The following NRXN3 variants were observed in gnomAD, a reference collection of about 807,000 sequenced individuals.
NRXN3 encodes neurexin III.
A neutral mutation model predicts 137.6 loss-of-function variants in NRXN3; 32 were observed. The ratio of observed to expected loss-of-function variants is 0.23; its 90% confidence interval spans 0.18 to 0.31. NRXN3 has a LOEUF of 0.31. NRXN3 is among the 10% of genes least tolerant of loss of function. NRXN3 has a pLI of 1.00. For missense variants in NRXN3, 1,574 were observed against 2,062.5 expected (o/e 0.76, Z 4.59); for synonymous variants, 798 against 784.5 (o/e 1.02, Z -0.29).
intron 8 of NRXN3, among the ~76,000 whole-genome samples, chr14:78,730,808 A>G (rs2098511605): frequency 1.3e-5 from 2 of 152,228 alleles, no homozygotes; most frequent in South Asian, 4.1e-4. Context: ...CTGGTATATC[A>G]ATCTCTAATT....
chr14:78,368,087 C>T (rs368694244), intron 4 of NRXN3, among the ~76,000 whole-genome samples: 8 of 152,152 alleles, frequency 5.3e-5, no homozygotes, highest in Admixed American at 2.0e-4. Flanking sequence ...GTTTTAGCAA[C>T]GGGAAAGTAA....
At chr14:79,031,902 G>T (rs1053430842) in intron 15 of NRXN3, among the ~76,000 whole-genome samples, 1 of 152,132 alleles carries the variant, frequency 6.6e-6, no homozygotes, top group Admixed American at 6.6e-5. Context: ...AGCAATGGCT[G>T]CTGAGACTGC....
intron 15 of NRXN3, among the ~76,000 whole-genome samples, chr14:79,141,522 C>T (rs930509910): frequency 1.2e-4 from 18 of 152,184 alleles, no homozygotes; most frequent in African/African-American, 4.3e-4. Context: ...ATTAAAAGAA[C>T]ACTGAGACTA....
At chr14:78,565,169 G>A (rs2096825728) in intron 4 of NRXN3, among the ~76,000 whole-genome samples, 1 of 152,176 alleles carries the variant, frequency 6.6e-6, no homozygotes, top group Admixed American at 6.5e-5. Flanking sequence ...CATTTATTAA[G>A]TAGATAGATC....
At chr14:78,627,878 A>G (rs1047895375) in intron 4 of NRXN3, among the ~76,000 whole-genome samples, 43 of 152,178 alleles carry the variant, frequency 2.8e-4, no homozygotes, top group African/African-American at 9.7e-4. Flanking sequence ...GGACATGGCT[A>G]TGAAAACCAG....
intron 9 of NRXN3, among the ~76,000 whole-genome samples, chr14:78,805,164 C>G (rs2098855225): frequency 6.7e-6 from 1 of 149,148 alleles, no homozygotes. Flanking sequence ...TTAGTTATGT[C>G]TTTTTTTTTT....
chr14:79,017,550 T>G (rs1206192870), intron 15 of NRXN3, among the ~76,000 whole-genome samples: 5 of 152,050 alleles, frequency 3.3e-5, no homozygotes, highest in African/African-American at 1.2e-4. Flanking sequence ...GGAAAGTCAC[T>G]CTAGACAAGA....
At chr14:79,320,469 A>G (rs577663163) in intron 15 of NRXN3, among the ~76,000 whole-genome samples, 1 of 152,186 alleles carries the variant, frequency 6.6e-6, no homozygotes, top group Non-Finnish European at 1.5e-5. Context: ...TGATACCGCT[A>G]TTGGAAAACT....
At chr14:78,246,695 A>C (rs534952748) in intron 2 of NRXN3, among the ~76,000 whole-genome samples, 1 of 152,342 alleles carries the variant, frequency 6.6e-6, no homozygotes, top group Non-Finnish European at 1.5e-5. Flanking sequence ...ACACATAGTT[A>C]ATTTTTAGAA....
intron 15 of NRXN3, among the ~76,000 whole-genome samples, chr14:79,136,329 G>A (rs899670101): frequency 6.6e-6 from 1 of 152,178 alleles, no homozygotes; most frequent in Non-Finnish European, 1.5e-5. Context: ...ATAGATCAAG[G>A]TCTGTCAGCC....
rs200763319 is a variant in NRXN3 at position 78,651,236 on chromosome 14, G to A, written c.1131G>A (p.Ser377=). Residue 377 remains serine (S), a synonymous_variant, in exon 6 of 21, where the codon TCG becomes TCA. Transcript: ENST00000335750. ...YTQEDYTMLG[S]DDFFYVGGSP... Reference sequence around the variant, plus strand: ...AAGAGGACTATACCATGCTGGGCTCGGACGACTTCTTCTATGTAGGAGGAA... The same window carrying A: ...AAGAGGACTATACCATGCTGGGCTCAGACGACTTCTTCTATGTAGGAGGAA... 8.1e-5 allele frequency: 130 copies of A among 1,613,944 alleles called. No homozygotes were observed. The African/African-American group carries it at 1.1e-3, about 14-fold the overall frequency.
intron 15 of NRXN3, among the ~76,000 whole-genome samples, chr14:79,037,608 A>G (rs745333247): frequency 6.6e-5 from 10 of 152,050 alleles, no homozygotes; most frequent in Non-Finnish European, 1.5e-4. Flanking sequence ...GTGTCCTGAC[A>G]CCTTCCCTTC....
intron 19 of NRXN3, among the ~76,000 whole-genome samples, chr14:79,803,108 C>T (rs1274928975): frequency 6.6e-6 from 1 of 152,136 alleles, no homozygotes; most frequent in East Asian, 1.9e-4. Flanking sequence ...AATTATACCC[C>T]TTTCAGATGT....
At chr14:78,518,284 G>A (rs754327923) in intron 4 of NRXN3, among the ~76,000 whole-genome samples, 6 of 152,058 alleles carry the variant, frequency 3.9e-5, no homozygotes, top group South Asian at 2.1e-4. Flanking sequence ...GCTGGGTTTT[G>A]GTTTCTTAGG....
rs1555418553 is a variant in NRXN3 at position 78,235,002 on chromosome 14, A to ATATATATATATATGTG, written c.-703-7376_-703-7375insGTGTATATATATATAT. ...GGCAGCCACAAATGCTTTTATATAT[A>ATATATATATATATGTG]TATATATATATATATATATATGTGT... On this transcript the variant is annotated intron_variant, in intron 1 of 20. Coordinates refer to ENST00000335750, the MANE Select transcript of NRXN3 (RefSeq NM_001330195.2). Among the ~76,000 whole-genome samples, 7 of 47,426 alleles carry ATATATATATATATGTG rather than the reference A, an allele frequency of 1.5e-4. 1 individual carries two copies. Among genetic ancestry groups the ATATATATATATATGTG allele is most frequent in the East Asian group, 1.1e-3 (2 of 1,892 alleles). 31.1% of individuals were successfully genotyped at this position (47,426 alleles called of 152,430 possible).
At chr14:79,816,976 A>G (rs1015513386) in intron 20 of NRXN3, among the ~76,000 whole-genome samples, 9 of 152,224 alleles carry the variant, frequency 5.9e-5, no homozygotes, top group Non-Finnish European at 1.3e-4. Flanking sequence ...TAGTCCTTCT[A>G]ATTTGACAAG....
At chr14:78,274,512 G>A (rs565488698) in intron 2 of NRXN3, among the ~76,000 whole-genome samples, 9 of 152,244 alleles carry the variant, frequency 5.9e-5, no homozygotes, top group Admixed American at 1.3e-4. Flanking sequence ...TGGGGATTAC[G>A]GGAACTACAA....
In NRXN3 at chr14:79,780,534, G is replaced by A. The variant is rs1413074662; in HGVS notation, c.4015-24578G>A. Among the ~76,000 whole-genome samples the A allele has an allele frequency of 5.3e-5, 8 of 152,160 alleles. No homozygotes were observed. In the South Asian group the frequency reaches 6.2e-4, roughly 12 times the overall value. On this transcript the variant is annotated intron_variant, in intron 19 of 20. Coordinates refer to ENST00000335750, the MANE Select transcript of NRXN3 (RefSeq NM_001330195.2). The stretch of plus-strand genomic sequence containing the variant: ...TGAGGCAGGAGAATGGTGTGAACCC[G>A]GGAGGCGGAGCTTGCAGTGAGTCGA...
chr14:79,782,558 A>T (rs1216316733), intron 19 of NRXN3, among the ~76,000 whole-genome samples: 1 of 152,204 alleles, frequency 6.6e-6, no homozygotes, highest in South Asian at 2.1e-4. Context: ...TGTTTCATTT[A>T]TCTGGCATGC....
Sources: gnomAD v4.1 joint callset for allele counts (sites outside exome capture counted in the v4.1 genomes callset) on GRCh38, gnomAD v4.1.1 for gene constraint, MANE v1.5 for transcripts, NCBI Gene and HGNC (gene_info 2026-07-23, HGNC 2026-07-21) for gene names.